Variants in KCNMA1 observed in about 807,000 individuals in gnomAD.
KCNMA1 encodes potassium calcium-activated channel subfamily M alpha 1, also known as Calcium-activated potassium channel subunit alpha-1.
KCNMA1 carries 29 observed loss-of-function variants against 140.0 expected under a neutral mutation model. The ratio of observed to expected loss-of-function variants is 0.21; its 90% confidence interval spans 0.15 to 0.28. The LOEUF is 0.28. KCNMA1 is among the 10% of genes least tolerant of loss of function. The pLI is 1.00. For missense variants in KCNMA1, 880 were observed against 1,602.2 expected (o/e 0.55, Z 7.70); for synonymous variants, 612 against 611.9 (o/e 1.00, Z 0.00).
chr10:77,633,264 A>G (rs2093406096), intron 1 of KCNMA1, among the ~76,000 whole-genome samples: 1 of 152,132 alleles, frequency 6.6e-6, no homozygotes, highest in Non-Finnish European at 1.5e-5. Flanking sequence ...GCAGTGAGCC[A>G]AGATCGTGCC....
At chr10:77,437,693 T>C (rs932218273) in intron 1 of KCNMA1, among the ~76,000 whole-genome samples, 8 of 152,192 alleles carry the variant, frequency 5.3e-5, no homozygotes, top group Non-Finnish European at 1.0e-4. Flanking sequence ...AATGGGCTTC[T>C]GATGGCAGGG....
intron 3 of KCNMA1, among the ~76,000 whole-genome samples, chr10:77,242,937 C>A (rs2057664717): frequency 2.1e-5 from 3 of 144,950 alleles, no homozygotes; most frequent in Non-Finnish European, 4.6e-5. Context: ...CACACACACA[C>A]ACAGAGTCTT....
chr10:76,876,859 C>T (rs1589334622), downstream of KCNMA1: 1 of 152,224 alleles, frequency 6.6e-6, no homozygotes, highest in Non-Finnish European at 1.5e-5. Flanking sequence ...TGACATTACT[C>T]GCTCAGGTGG....
At chr10:77,250,412 T>C (rs751612411) in intron 3 of KCNMA1, 2 of 152,374 alleles carry the variant, frequency 1.3e-5, no homozygotes, top group Non-Finnish European at 2.9e-5. Context: ...ATAGTATAGT[T>C]GGAACAAATT....
rs964924645 is a variant in KCNMA1, at chr10:76,920,415, A to T, written c.2903-5366T>A. On this transcript the variant is annotated intron_variant, in intron 23 of 27. Transcript: ENST00000286628. ...ATTTTTCAGAGGAGGAAACTGAAGC[A>T]CAGAGAAGGTAAGCAACTTGCCCCA... 2.6e-5 allele frequency among the ~76,000 whole-genome samples: 4 copies of T among 152,136 alleles called. No individual in the cohort carries two copies. In the East Asian group the frequency reaches 7.7e-4, roughly 29 times the overall value.
At chr10:77,486,294 G>T (rs1268510) in intron 1 of KCNMA1, among the ~76,000 whole-genome samples, 1 of 151,918 alleles carries the variant, frequency 6.6e-6, no homozygotes, top group Non-Finnish European at 1.5e-5. Flanking sequence ...GAGCAGGACC[G>T]CAGAGAATGA....
chr10:77,528,988 G>A (rs1028503788), intron 1 of KCNMA1, among the ~76,000 whole-genome samples: 1 of 152,100 alleles, frequency 6.6e-6, no homozygotes, highest in African/African-American at 2.4e-5. Context: ...CTGCAGTGCT[G>A]GACGGTTCTG....
At position 77,028,127 on chromosome 10, in the gene KCNMA1, T is replaced by G. The variant is rs10824484; in HGVS notation, c.1860-236A>C. On this transcript the variant is annotated intron_variant, in intron 15 of 27. Transcript: ENST00000286628. ...GCTCAAAGTGCAAATTGCACTCAGG[T>G]CTGGCTGTCTAGACACAGAGCCCAA... Among the ~76,000 whole-genome samples, 3,460 of 152,190 alleles carry G rather than the reference T, an allele frequency of 0.023. 64 individuals are homozygous for G. Among genetic ancestry groups the G allele is most frequent in the South Asian group, 0.055 (265 of 4,810 alleles).
At chr10:77,086,138 A>C (rs2096685456) in intron 11 of KCNMA1, among the ~76,000 whole-genome samples, 1 of 152,226 alleles carries the variant, frequency 6.6e-6, no homozygotes, top group Non-Finnish European at 1.5e-5. Flanking sequence ...TTAAGTGTTC[A>C]ATATAGGAAT....
At chr10:77,474,208 G>A (rs1374541448) in intron 1 of KCNMA1, among the ~76,000 whole-genome samples, 1 of 152,244 alleles carries the variant, frequency 6.6e-6, no homozygotes, top group African/African-American at 2.4e-5. Flanking sequence ...TGATGTGAGA[G>A]AGAGTGTTAC....
intron 2 of KCNMA1, among the ~76,000 whole-genome samples, chr10:77,288,265 A>C (rs1001164562): frequency 3.3e-5 from 5 of 152,254 alleles, no homozygotes; most frequent in Admixed American, 2.6e-4. Context: ...AAGAGCAAAC[A>C]GTTTATTCAG....
chr10:77,432,047 G>C (rs1436440536), intron 1 of KCNMA1, among the ~76,000 whole-genome samples: 1 of 151,658 alleles, frequency 6.6e-6, no homozygotes, highest in Non-Finnish European at 1.5e-5. Flanking sequence ...CTCAGCTTCG[G>C]GGCAGGAGAA....
At chr10:77,512,030 G>A (rs2048581042) in intron 1 of KCNMA1, among the ~76,000 whole-genome samples, 2 of 152,308 alleles carry the variant, frequency 1.3e-5, no homozygotes, top group South Asian at 4.1e-4. Flanking sequence ...ATAAATTGAG[G>A]TGTTTGATGG....
intron 5 of KCNMA1, among the ~76,000 whole-genome samples, chr10:77,162,977 T>C (rs1047398871): frequency 1.3e-5 from 2 of 152,238 alleles, no homozygotes; most frequent in Admixed American, 6.5e-5. Flanking sequence ...TGGTGACTAA[T>C]ATTTCTGTTT....
chr10:76,874,091 G>C (rs1234402057), downstream of KCNMA1: 1 of 152,106 alleles, frequency 6.6e-6, no homozygotes, highest in Admixed American at 6.5e-5. Flanking sequence ...AGGGAAGGCA[G>C]GGATGAAACT....
chr10:77,626,862 T>C (rs2092593808), intron 1 of KCNMA1, among the ~76,000 whole-genome samples: 1 of 152,202 alleles, frequency 6.6e-6, no homozygotes, highest in African/African-American at 2.4e-5. Flanking sequence ...TGACATGATT[T>C]ATTCATTAAG....
chr10:77,382,742 G>A (rs1028901077), intron 2 of KCNMA1, among the ~76,000 whole-genome samples: 1 of 150,036 alleles, frequency 6.7e-6, no homozygotes, highest in Admixed American at 6.7e-5. Flanking sequence ...GTGGGTGCCT[G>A]TAATCCCAGC....
At chr10:76,918,874 T>C (rs1466443973) in intron 23 of KCNMA1, among the ~76,000 whole-genome samples, 5 of 151,048 alleles carry the variant, frequency 3.3e-5, no homozygotes, top group African/African-American at 1.2e-4. Context: ...ATAAAGAAAC[T>C]GTGAGATATA....
intron 3 of KCNMA1, among the ~76,000 whole-genome samples, chr10:77,242,793 C>A (rs773270025): frequency 3.9e-5 from 6 of 152,040 alleles, no homozygotes; most frequent in Non-Finnish European, 8.8e-5. Context: ...GCCACAGGTA[C>A]ACAGACAGCT....
Sources: allele counts gnomAD v4.1 joint callset (sites outside exome capture counted in the v4.1 genomes callset), GRCh38; gene constraint gnomAD v4.1.1; transcripts MANE v1.5; gene names NCBI Gene and HGNC (gene_info 2026-07-23, HGNC 2026-07-21).